SPMAP2L: variants seen among roughly 807,000 people sequenced by gnomAD.
The protein encoded by SPMAP2L is sperm microtubule associated protein 2-like.
At chr4:56,617,245 C>T in the SPMAP2L span, among the ~76,000 whole-genome samples, 1 of 152,130 alleles carries the variant, frequency 6.6e-6, no homozygotes, top group African/African-American at 2.4e-5. Flanking sequence ...GCAATTTTAA[C>T]ACAATGGTAA....
At chr4:56,565,529 TC>T in the SPMAP2L span, among the ~76,000 whole-genome samples, 519 of 152,264 alleles carry the variant, frequency 3.4e-3, 1 homozygote, top group African/African-American at 0.012. Context: ...TTATTCATCA[TC>T]CATAAGGGAA....
At chr4:56,593,365 A>C in the SPMAP2L span, 1 of 1,238,526 alleles carries the variant, frequency 8.1e-7, no homozygotes, top group Non-Finnish European at 1.2e-6. Context: ...GACTCGAGCC[A>C]AATATACTGG....
the SPMAP2L span, among the ~76,000 whole-genome samples, chr4:56,611,286 T>C: frequency 6.6e-6 from 1 of 152,228 alleles, no homozygotes; most frequent in Non-Finnish European, 1.5e-5. Context: ...TTAATGGCAT[T>C]TGCAGCAACC....
At chr4:56,595,586 G>C in the SPMAP2L span, 7 of 1,357,080 alleles carry the variant, frequency 5.2e-6, no homozygotes, top group East Asian at 1.4e-4. Flanking sequence ...TCCCCTTCGT[G>C]AAACCAGAGA....
chr4:56,593,350 G>A, the SPMAP2L span: 1 of 1,176,774 alleles, frequency 8.5e-7, no homozygotes, highest in East Asian at 2.3e-5. Context: ...AATAGCTGTT[G>A]TCCAGACTCG....
chr4:56,579,019 ACTT>A, the SPMAP2L span, among the ~76,000 whole-genome samples: 1 of 152,124 alleles, frequency 6.6e-6, no homozygotes, highest in Non-Finnish European at 1.5e-5. Flanking sequence ...ATAGTTGGAC[ACTT>A]CAATACCCCA....
At chr4:56,544,279 G>A in the SPMAP2L span, among the ~76,000 whole-genome samples, 1 of 152,042 alleles carries the variant, frequency 6.6e-6, no homozygotes, top group South Asian at 2.1e-4. Context: ...GTGAACCACC[G>A]TGCCCGGCCC....
chr4:56,555,888 C>G, the SPMAP2L span, among the ~76,000 whole-genome samples: 2 of 152,100 alleles, frequency 1.3e-5, no homozygotes, highest in Admixed American at 6.6e-5. Flanking sequence ...TAAATTGTCT[C>G]TTATTCATGG....
the SPMAP2L span, among the ~76,000 whole-genome samples, chr4:56,547,240 C>A: frequency 3.6e-5 from 3 of 83,744 alleles, no homozygotes; most frequent in Non-Finnish European, 6.5e-5. Context: ...ATTACTAATT[C>A]TCTTTTTTTT....
chr4:56,559,526 T>A, the SPMAP2L span: 203 of 1,490,560 alleles, frequency 1.4e-4, 1 homozygote, highest in African/African-American at 2.7e-3. Context: ...AACAGGTTAG[T>A]GTCTGTGTGT....
chr4:56,552,727 T>C, the SPMAP2L span: 1 of 672,534 alleles, frequency 1.5e-6, no homozygotes, highest in Non-Finnish European at 2.6e-6. Context: ...ACCAATATTG[T>C]CACCTCATTG....
the SPMAP2L span, among the ~76,000 whole-genome samples, chr4:56,551,737 G>C: frequency 6.6e-6 from 1 of 152,116 alleles, no homozygotes; most frequent in Non-Finnish European, 1.5e-5. Flanking sequence ...GATAGACAAT[G>C]CTACATTAAC....
At chr4:56,552,984 A>G in the SPMAP2L span, among the ~76,000 whole-genome samples, 1 of 151,998 alleles carries the variant, frequency 6.6e-6, no homozygotes, top group Non-Finnish European at 1.5e-5. Context: ...TGCATTCTCC[A>G]AGTCCAGCTT....
At chr4:56,602,595 C>T in the SPMAP2L span, among the ~76,000 whole-genome samples, 6 of 151,932 alleles carry the variant, frequency 3.9e-5, no homozygotes, top group South Asian at 4.2e-4. Flanking sequence ...TTTGAGAGGC[C>T]GAGGTAGGAG....
the SPMAP2L span, among the ~76,000 whole-genome samples, chr4:56,581,416 T>C: frequency 1.3e-5 from 2 of 151,632 alleles, no homozygotes; most frequent in African/African-American, 4.8e-5. Flanking sequence ...GACCACATCA[T>C]TGCACTCCAG....
At chr4:56,594,373 A>G in the SPMAP2L span, 5 of 1,571,306 alleles carry the variant, frequency 3.2e-6, no homozygotes, top group South Asian at 3.3e-5. Flanking sequence ...CACCTATCAC[A>G]TGGAAAGAAT....
chr4:56,595,583 C>T, the SPMAP2L span: 27 of 1,361,102 alleles, frequency 2.0e-5, no homozygotes, highest in Non-Finnish European at 2.7e-5. Context: ...CACTCCCCTT[C>T]GTGAAACCAG....
chr4:56,539,623 T>C, the SPMAP2L span, among the ~76,000 whole-genome samples: 4 of 152,184 alleles, frequency 2.6e-5, no homozygotes, highest in Middle Eastern at 3.2e-3. Flanking sequence ...GGTTTCACCA[T>C]GTTGGCCAGG....
the SPMAP2L span, among the ~76,000 whole-genome samples, chr4:56,535,744 A>G: frequency 6.6e-6 from 1 of 152,170 alleles, no homozygotes; most frequent in Non-Finnish European, 1.5e-5. Flanking sequence ...CCGGTTCATT[A>G]TACCTACACT....
Sources: allele counts gnomAD v4.1 joint callset (sites outside exome capture counted in the v4.1 genomes callset), GRCh38; gene constraint gnomAD v4.1.1; transcripts MANE v1.5; gene names NCBI Gene and HGNC (gene_info 2026-07-23, HGNC 2026-07-21).